The following PLVAP variants were observed in gnomAD, a reference collection of about 807,000 sequenced individuals.
PLVAP encodes plasmalemma vesicle associated protein.
In PLVAP, 34 loss-of-function variants were observed where a neutral mutation model predicts 43.1. The observed-to-expected ratio is 0.79, with a 90% CI of 0.60 to 1.05. The LOEUF is 1.05. Among genes scored for constraint, PLVAP ranks in the 50% least tolerant of loss-of-function variants. The pLI, the probability that PLVAP is intolerant of heterozygous loss-of-function variation, is 0.00. For synonymous variants in PLVAP, 241 were observed against 237.3 expected, an observed-to-expected ratio of 1.02 and a Z score of -0.14; for missense variants, 574 against 593.4, an observed-to-expected ratio of 0.97 and a Z score of 0.34.
In PLVAP at chr19:17,365,685, G is replaced by A. The variant is rs769469168; in HGVS notation, c.780C>T (p.Pro260=). Residue 260 remains proline (P), a synonymous_variant, in exon 3 of 6, where the codon CCC becomes CCT. Coordinates refer to ENST00000252590, the MANE Select transcript of PLVAP (RefSeq NM_031310.3). ...LDNLGYNLYH[P]LGSELASIRR... is the part of the protein sequence containing the mutation. ...GGATGGAGGCCAATTCCGAGCCCAGGGGATGGTAGAGGTTGTAACCCAGGT... is the reference window on the plus strand; with the variant it reads ...GGATGGAGGCCAATTCCGAGCCCAGAGGATGGTAGAGGTTGTAACCCAGGT... 1.2e-6 allele frequency: 2 copies of A among 1,613,832 alleles called. No individual in the cohort carries two copies. The highest frequency in any genetic ancestry group is 2.2e-5 in the East Asian group (1 of 44,870).
rs199547779 is a variant in PLVAP, at chr19:17,365,910, G to A, written c.555C>T (p.Ser185=). The change falls in exon 3 of 6, where the codon AGC becomes AGT. Residue 185 remains serine, a synonymous_variant. Coordinates refer to ENST00000252590, the MANE Select transcript of PLVAP (RefSeq NM_031310.3). The part of the protein sequence containing the change: ...EKTICTKDKE[S]VLLNKRVAEE... ...CCGCCACGCGTTTGTTCAGCAGCAC[G>A]CTTTCCTTATCCTTAGTGCAAATGG... The A allele has an allele frequency of 1.2e-5, 19 of 1,613,884 alleles. No homozygotes were observed. The highest frequency in any genetic ancestry group is 1.6e-4 in the Middle Eastern group (1 of 6,084).
At chr19:17,355,065 T>C (rs1206311981) in intron 5 of PLVAP, among the ~76,000 whole-genome samples, 1 of 144,486 alleles carries the variant, frequency 6.9e-6, no homozygotes. Context: ...CTACTAAAAA[T>C]ACAAAAAAAA....
In PLVAP at chr19:17,377,300, C is replaced by G; in HGVS notation, c.-12G>C. 1 of 1,598,328 alleles carries G rather than the reference C, an allele frequency of 6.3e-7. No individual in the cohort carries two copies. Among genetic ancestry groups the G allele is most frequent in the Non-Finnish European group, 8.5e-7 (1 of 1,170,314 alleles). On this transcript the variant is annotated 5_prime_UTR_variant, in exon 1 of 6. Transcript: ENST00000252590. The stretch of plus-strand genomic sequence containing the variant: ...ATGGCCAGACCCATTTGCTCGATCC[C>G]GCCGTCCGGTGCACCGTCCCTGCTC...
intron 1 of PLVAP, among the ~76,000 whole-genome samples, chr19:17,372,995 G>T (rs1178309419): frequency 6.9e-6 from 1 of 144,516 alleles, no homozygotes; most frequent in Non-Finnish European, 1.5e-5. Flanking sequence ...GAACCCAGGA[G>T]GCAGAGGTTG....
chr19:17,358,825 G>A (rs1367783948), intron 5 of PLVAP, among the ~76,000 whole-genome samples: 1 of 150,386 alleles, frequency 6.6e-6, no homozygotes, highest in African/African-American at 2.5e-5. Context: ...TCCAAGACAG[G>A]ATCTCACTCT....
In PLVAP at chr19:17,366,137, C is replaced by G. The variant is rs1401428835; in HGVS notation, c.428G>C (p.Cys143Ser). 1 of 1,614,162 alleles carries G rather than the reference C, an allele frequency of 6.2e-7. No homozygotes were observed. The highest frequency in any genetic ancestry group is 8.5e-7 in the Non-Finnish European group (1 of 1,180,030). Residue 143 changes from cysteine (C) to serine (S), a missense_variant, in exon 2 of 6, where the codon TGC (cysteine) becomes TCC (serine). Physicochemically the swap from Cys to Ser is moderately radical, Grantham distance 112. Transcript: ENST00000252590. ...MAAIILSEKQ[C>S]RDQFKDMNKS... ...GTTCATGTCCTTGAATTGATCTCTGCATTGCTTCTCACTCAAGATGATGGC... is the reference window on the plus strand; with the variant it reads ...GTTCATGTCCTTGAATTGATCTCTGGATTGCTTCTCACTCAAGATGATGGC...
At chr19:17,368,716 G>T (rs1194389952) in intron 1 of PLVAP, among the ~76,000 whole-genome samples, 1 of 152,036 alleles carries the variant, frequency 6.6e-6, no homozygotes, top group African/African-American at 2.4e-5. Context: ...GGTGGCTCAC[G>T]CCTGTAATCC....
At chr19:17,375,347 C>T (rs1048663816) in intron 1 of PLVAP, among the ~76,000 whole-genome samples, 1 of 152,056 alleles carries the variant, frequency 6.6e-6, no homozygotes, top group African/African-American at 2.4e-5. Flanking sequence ...AAGTTATGGG[C>T]TCAGGACTGC....
At chr19:17,355,605 T>C (rs1358640253) in intron 5 of PLVAP, among the ~76,000 whole-genome samples, 1 of 151,100 alleles carries the variant, frequency 6.6e-6, no homozygotes, top group East Asian at 2.0e-4. Flanking sequence ...CTCAGCTCAC[T>C]GCAACCTCCA....
chr19:17,360,637 C>A, intron 4 of PLVAP, 28 bp from the exon 5 acceptor site: 3 of 1,599,506 alleles, frequency 1.9e-6, no homozygotes, highest in Non-Finnish European at 2.6e-6. Flanking sequence ...TGAGGCTTGA[C>A]CTACAGCTTC....
intron 1 of PLVAP, among the ~76,000 whole-genome samples, chr19:17,376,036 T>G (rs554722677): frequency 6.6e-6 from 1 of 150,852 alleles, no homozygotes; most frequent in South Asian, 2.1e-4. Flanking sequence ...AAAAATGACC[T>G]GGGCATAGTG....
intron 1 of PLVAP, among the ~76,000 whole-genome samples, chr19:17,367,720 C>T (rs1343016785): frequency 6.6e-6 from 1 of 152,074 alleles, no homozygotes; most frequent in Non-Finnish European, 1.5e-5. Context: ...TGGGGTTTCA[C>T]TATGTTTACC....
At chr19:17,354,369 G>T (rs568311811) in intron 5 of PLVAP, among the ~76,000 whole-genome samples, 192 of 152,204 alleles carry the variant, frequency 1.3e-3, no homozygotes, top group Middle Eastern at 0.01. Flanking sequence ...GACGGAGGTG[G>T]GCGGATCACC....
chr19:17,360,645 T>C (rs770280523), intron 4 of PLVAP, 36 bp from the exon 5 acceptor site: 1 of 1,594,766 alleles, frequency 6.3e-7, no homozygotes, highest in Non-Finnish European at 8.6e-7. Context: ...GACCTACAGC[T>C]TCAGTTGCCC....
rs560734672 is a variant in PLVAP at position 17,360,005 on chromosome 19, C to T, written c.1322+523G>A. ...CCTGCTGCCTAGAACACTGTTCCCC[C>T]TGCTTTCCCTGAGGCCAGCTCCTCA... On this transcript the variant is annotated intron_variant, in intron 5 of 5. Coordinates refer to ENST00000252590, the MANE Select transcript of PLVAP (RefSeq NM_031310.3). Among the ~76,000 whole-genome samples the T allele has an allele frequency of 1.2e-4, 19 of 152,268 alleles. No individual in the cohort carries two copies. The South Asian group carries it at 3.5e-3, about 28-fold the overall frequency.
intron 3 of PLVAP, among the ~76,000 whole-genome samples, chr19:17,363,512 A>G (rs1185454203): frequency 6.6e-6 from 1 of 151,884 alleles, no homozygotes; most frequent in Non-Finnish European, 1.5e-5. Flanking sequence ...AGCAATGAAC[A>G]CAGTACCCAA....
intron 1 of PLVAP, among the ~76,000 whole-genome samples, chr19:17,373,726 C>T (rs1429025227): frequency 6.6e-6 from 1 of 152,170 alleles, no homozygotes; most frequent in Admixed American, 6.6e-5. Context: ...TGACACAAGC[C>T]GGGGTGCGAG....
chr19:17,352,431 C>T (rs2074490107), intron 5 of PLVAP, 63 bp from the exon 6 acceptor site: 9 of 1,572,268 alleles, frequency 5.7e-6, no homozygotes, highest in Admixed American at 3.3e-5. Flanking sequence ...CAAACCTCGC[C>T]GGGCCCTGGA....
intron 1 of PLVAP, among the ~76,000 whole-genome samples, chr19:17,372,448 T>TTTTA (rs895001266): frequency 1.1e-3 from 159 of 149,200 alleles, no homozygotes; most frequent in African/African-American, 3.6e-3. Context: ...TAAATAATGT[T>TTTTA]TTTATTTATT....
Sources: allele counts gnomAD v4.1 joint callset (sites outside exome capture counted in the v4.1 genomes callset), GRCh38; gene constraint gnomAD v4.1.1; transcripts MANE v1.5; gene names NCBI Gene and HGNC (gene_info 2026-07-23, HGNC 2026-07-21).